SCN2B: variants seen among roughly 807,000 people sequenced by gnomAD.
SCN2B encodes the protein sodium voltage-gated channel beta subunit 2, also known as sodium channel regulatory subunit beta-2.
Under a neutral mutation model 18.2 loss-of-function variants are expected in SCN2B, and 14 were observed. The ratio of observed to expected loss-of-function variants is 0.77; its 90% CI spans 0.51 to 1.21. The LOEUF (loss-of-function observed/expected upper bound fraction) is 1.21, where lower values mean the gene tolerates loss of function less well. Among genes scored for constraint, SCN2B ranks in the 50% most tolerant of loss-of-function variants. SCN2B has a pLI of 0.00. For missense variants in SCN2B, 262 were observed against 286.9 expected (o/e 0.91, Z 0.63); for synonymous variants, 115 against 115.3 (o/e 1.00, Z 0.02).
rs1361985041 is a variant in SCN2B at position 118,163,570 on chromosome 11, G to A, written c.*3317C>T. On this transcript the variant is annotated 3_prime_UTR_variant, in exon 4 of 4. Coordinates refer to ENST00000278947, the MANE Select transcript of SCN2B (RefSeq NM_004588.5). Reference sequence around the variant, plus strand: ...CAAAGCAGTTCAGTCCTGAATAATTGTGCTTTGTTCTTATAAGCTAAATCC... The same window carrying A: ...CAAAGCAGTTCAGTCCTGAATAATTATGCTTTGTTCTTATAAGCTAAATCC... The A allele has an allele frequency of 1.3e-5, 2 of 152,584 alleles. No individual in the cohort carries two copies. The highest frequency in any genetic ancestry group is 6.5e-5 in the Admixed American group (1 of 15,282). 9.5% of individuals were successfully genotyped at this position (152,584 alleles called of 1,614,324 possible). A position where few individuals can be genotyped will look rare whatever the true frequency, so the allele number is the denominator to read the frequency against.
chr11:118,167,528 G>A (rs1444853997), intron 3 of SCN2B, among the ~76,000 whole-genome samples: 1 of 152,164 alleles, frequency 6.6e-6, no homozygotes, highest in Non-Finnish European at 1.5e-5. Flanking sequence ...CCCAATAAAT[G>A]AAAGCTGCCA....
rs1159420486 is a variant in SCN2B at position 118,164,734 on chromosome 11, T to C, written c.*2153A>G. 1.3e-5 allele frequency: 2 copies of C among 152,726 alleles called. No individual in the cohort carries two copies. Among genetic ancestry groups the C allele is most frequent in the Non-Finnish European group, 2.9e-5 (2 of 68,080 alleles). The allele number at this position is 152,726 out of a possible 1,614,324, so 9.5% of individuals were successfully genotyped here. A position where few individuals can be genotyped will look rare whatever the true frequency, so the allele number is the denominator to read the frequency against. On this transcript the variant is annotated 3_prime_UTR_variant, in exon 4 of 4. Transcript: ENST00000278947. ...AATCTTGGTCCCTACAGTGCCAACC[T>C]GGCAGTCCCCAGTGCTTATGGCTTT... is the stretch of plus-strand genomic sequence containing the variant.
rs1948399268 is a variant in SCN2B, at chr11:118,168,079, C to G, written c.448+6G>C. The G allele has an allele frequency of 2.5e-6, 4 of 1,612,986 alleles. No individual in the cohort carries two copies. Among genetic ancestry groups the G allele is most frequent in the Non-Finnish European group, 3.4e-6 (4 of 1,179,422 alleles). Reference sequence around the variant, plus strand: ...AGGGCCCCGCAGCTGGCACCCCAGCCTTCACCTTCCATGAGGACCTGCAGA... The same window carrying G: ...AGGGCCCCGCAGCTGGCACCCCAGCGTTCACCTTCCATGAGGACCTGCAGA... On this transcript the variant is annotated splice_donor_region_variant and intron_variant, in intron 3 of 3. Coordinates refer to ENST00000278947, the MANE Select transcript of SCN2B (RefSeq NM_004588.5). This position sits in a 1 kb window ranked among gnomAD's most constrained non-coding sequence, Gnocchi z 4.7.
At chr11:118,172,120 C>A (rs555882471) in intron 1 of SCN2B, among the ~76,000 whole-genome samples, 6 of 152,230 alleles carry the variant, frequency 3.9e-5, no homozygotes, top group Non-Finnish European at 7.3e-5. Flanking sequence ...AAGGTCAGAG[C>A]TGTGAGCAAA....
chr11:118,174,105 T>TTTTG (rs1565464885), intron 1 of SCN2B, among the ~76,000 whole-genome samples: 24 of 128,618 alleles, frequency 1.9e-4, no homozygotes, highest in African/African-American at 7.3e-4. Flanking sequence ...TTTTTTTTTT[T>TTTTG]TTTTTTTTTT....
chr11:118,168,476 G>A lies in SCN2B; in HGVS notation c.237+109C>T. The A allele has an allele frequency of 8.1e-6, 12 of 1,476,942 alleles. No homozygotes were observed. The highest frequency in any genetic ancestry group is 1.1e-5 in the Non-Finnish European group (12 of 1,057,268). 91.5% of individuals were successfully genotyped at this position (1,476,942 alleles called of 1,614,324 possible). A position where few individuals can be genotyped will look rare whatever the true frequency, so the allele number is the denominator to read the frequency against. ...GCCTCCAGAGCACGCAGCCCACCCA[G>A]GGTCCTCTGGGGCCCTAGCGCAGTG... On this transcript the variant is annotated intron_variant, in intron 2 of 3. Coordinates refer to ENST00000278947, the MANE Select transcript of SCN2B (RefSeq NM_004588.5). The surrounding 1 kb of genome is among the most constrained non-coding windows in gnomAD (Gnocchi z 4.7).
chr11:118,175,942 A>G (rs1948465625), intron 1 of SCN2B, among the ~76,000 whole-genome samples: 1 of 151,930 alleles, frequency 6.6e-6, no homozygotes, highest in Non-Finnish European at 1.5e-5. Flanking sequence ...CTCTCCTAAT[A>G]CCCTAAATCC....
chr11:118,166,711 G>T lies in SCN2B; in HGVS notation c.*176C>A, dbSNP rs1434348285. 2 of 707,244 alleles carry T rather than the reference G, an allele frequency of 2.8e-6. No homozygotes were observed. The highest frequency in any genetic ancestry group is 4.9e-6 in the Non-Finnish European group (2 of 407,376). The allele number at this position is 707,244 out of a possible 1,614,324, so 43.8% of individuals were successfully genotyped here. On this transcript the variant is annotated 3_prime_UTR_variant, in exon 4 of 4. Transcript: ENST00000278947. ...CATGGCAGGTTTCTCGGATGGAAGAGAGTGGGTCACTCTTGGTGCAGGGTG... is the reference window on the plus strand; with the variant it reads ...CATGGCAGGTTTCTCGGATGGAAGATAGTGGGTCACTCTTGGTGCAGGGTG...
chr11:118,176,596 C>T lies in SCN2B; in HGVS notation c.-165G>A, dbSNP rs1229684362. 5 of 567,230 alleles carry T rather than the reference C, an allele frequency of 8.8e-6. No individual in the cohort carries two copies. Among genetic ancestry groups the T allele is most frequent in the East Asian group, 3.0e-5 (1 of 32,836 alleles). 35.1% of individuals were successfully genotyped at this position (567,230 alleles called of 1,614,324 possible). A position where few individuals can be genotyped will look rare whatever the true frequency, so the allele number is the denominator to read the frequency against. On this transcript the variant is annotated 5_prime_UTR_variant, in exon 1 of 4. Transcript: ENST00000278947. ...TTTATTTCCATCTCTCTAATATGGC[C>T]GGCTTGTATGTTGCTGCTAAAAAGA...
intron 1 of SCN2B, among the ~76,000 whole-genome samples, chr11:118,172,981 A>G (rs1279834205): frequency 1.3e-5 from 2 of 150,066 alleles, no homozygotes; most frequent in Non-Finnish European, 3.0e-5. Flanking sequence ...TCCAGCCCGT[A>G]TCTCCGCACC....
At position 118,172,354 on chromosome 11, in the gene SCN2B, C is replaced by T. The variant is rs538508985; in HGVS notation, c.71-3603G>A. On this transcript the variant is annotated intron_variant, in intron 1 of 3. Transcript: ENST00000278947. ...GATGGAGCACAAAGAAGTTAAGAGA[C>T]GAGCCCAAGTTCACGGCTAGTAAGA... Among the ~76,000 whole-genome samples the T allele has an allele frequency of 1.4e-4, 21 of 152,340 alleles. No homozygotes were observed. The South Asian group carries it at 3.5e-3, about 26-fold the overall frequency.
At position 118,168,272 on chromosome 11, in the gene SCN2B, G is replaced by C; in HGVS notation, c.261C>G (p.Ile87Met). The C allele has an allele frequency of 6.2e-7, 1 of 1,614,190 alleles. No homozygotes were observed. The highest frequency in any genetic ancestry group is 1.1e-5 in the South Asian group (1 of 91,062). ...GAAACCGCTCCAGCTTCAGGTTAAT[G>C]ATCTTCATGCGGAACTGGAGGAACT... is the stretch of plus-strand genomic sequence containing the variant. ...EEMFLQFRMK[I>M]INLKLERFQD... is the part of the protein sequence containing the mutation. The change falls in exon 3 of 4, where the codon ATC (isoleucine) becomes ATG (methionine). Residue 87 changes from isoleucine (I) to methionine (M), a missense_variant. Coordinates refer to ENST00000278947, the MANE Select transcript of SCN2B (RefSeq NM_004588.5). This position sits in a 1 kb window ranked among gnomAD's most constrained non-coding sequence, Gnocchi z 4.7.
At chr11:118,173,121 C>T (rs576839527) in intron 1 of SCN2B, among the ~76,000 whole-genome samples, 19 of 152,224 alleles carry the variant, frequency 1.2e-4, no homozygotes, top group African/African-American at 4.3e-4. Flanking sequence ...CAACGGCTAC[C>T]CACTGCTTTC....
At position 118,168,969 on chromosome 11, in the gene SCN2B, C is replaced by CA. The variant is rs776183600; in HGVS notation, c.71-219dup. Among the ~76,000 whole-genome samples, 3 of 152,128 alleles carry CA rather than the reference C, an allele frequency of 2.0e-5. No individual in the cohort carries two copies. The highest frequency in any genetic ancestry group is 2.9e-5 in the Non-Finnish European group (2 of 68,002). On this transcript the variant is annotated intron_variant, in intron 1 of 3. Coordinates refer to ENST00000278947, the MANE Select transcript of SCN2B (RefSeq NM_004588.5). The surrounding 1 kb of genome is among the most constrained non-coding windows in gnomAD (Gnocchi z 4.7). ...GGAGTGCAGTGGCGCAATCATGACT[C>CA]ACTGCAGCCTAGACCTGCTGGGCTC...
chr11:118,167,738 G>A (rs1948396052), intron 3 of SCN2B, among the ~76,000 whole-genome samples: 1 of 152,160 alleles, frequency 6.6e-6, no homozygotes, highest in Non-Finnish European at 1.5e-5. Flanking sequence ...TGCATTTTCT[G>A]TAGAGATGGA....
chr11:118,168,821 C>T lies in SCN2B; in HGVS notation c.71-70G>A, dbSNP rs1452264914. 2.5e-6 allele frequency: 4 copies of T among 1,575,088 alleles called. No individual in the cohort carries two copies. The highest frequency in any genetic ancestry group is 2.1e-4 in the Middle Eastern group (1 of 4,804). On this transcript the variant is annotated intron_variant, in intron 1 of 3. Transcript: ENST00000278947. The surrounding 1 kb of genome is among the most constrained non-coding windows in gnomAD (Gnocchi z 4.7). ...CTGGGGAGGGGCAAGCCCTCTGTGC[C>T]TGGGAGTGTTGGGGGATGAGGCAGA...
intron 1 of SCN2B, among the ~76,000 whole-genome samples, chr11:118,170,325 TGA>T (rs1228030175): frequency 1.3e-5 from 2 of 151,860 alleles, no homozygotes; most frequent in East Asian, 1.9e-4. Context: ...CCACCTGAAG[TGA>T]GAGAGTGAGC....
chr11:118,164,444 G>A lies in SCN2B; in HGVS notation c.*2443C>T, dbSNP rs1948360688. ...CACCCGCATTGGCAGTGTGTTGATT[G>A]GCAGTTAGGTACTGAGCTGATGAGT... On this transcript the variant is annotated 3_prime_UTR_variant, in exon 4 of 4. Transcript: ENST00000278947. 2 of 152,672 alleles carry A rather than the reference G, an allele frequency of 1.3e-5. No individual in the cohort carries two copies. The highest frequency in any genetic ancestry group is 4.8e-5 in the African/African-American group (2 of 41,450). The allele number at this position is 152,672 out of a possible 1,614,324, so 9.5% of individuals were successfully genotyped here.
At chr11:118,167,870 T>G (rs1948397226) in intron 3 of SCN2B, among the ~76,000 whole-genome samples, 1 of 152,198 alleles carries the variant, frequency 6.6e-6, no homozygotes, top group South Asian at 2.1e-4. Flanking sequence ...TTATTAAGAC[T>G]GGGATTATAT....
Sources: gnomAD v4.1 joint callset for allele counts (sites outside exome capture counted in the v4.1 genomes callset) on GRCh38, gnomAD v4.1.1 for gene constraint, Gnocchi (gnomAD v3.1) non-coding constraint, MANE v1.5 for transcripts, NCBI Gene and HGNC (gene_info 2026-07-23, HGNC 2026-07-21) for gene names.